The following RHEX variants were observed in gnomAD, a reference collection of about 807,000 sequenced individuals.
RHEX encodes regulator of hemoglobinization and erythroid cell expansion, also known as regulator of hemoglobinization and erythroid cell expansion protein.
Under a neutral mutation model 20.1 loss-of-function variants are expected in RHEX, and 18 were observed. The observed-to-expected ratio is 0.90, with a 90% CI of 0.62 to 1.33. The LOEUF (loss-of-function observed/expected upper bound fraction) is 1.33, where lower values mean the gene tolerates loss of function less well. Among genes scored for constraint, RHEX ranks in the 40% most tolerant of loss-of-function variants. The probability of loss-of-function intolerance (pLI) is 0.00; values close to 1 mark genes in which losing one functional copy is unlikely to be tolerated. For missense variants in RHEX, 192 were observed against 214.3 expected (o/e 0.90, Z 0.65); for synonymous variants, 87 against 77.1 (o/e 1.13, Z -0.67).
At chr1:206,062,507 A>G (rs1662326658) in intron 1 of RHEX, among the ~76,000 whole-genome samples, 1 of 152,244 alleles carries the variant, frequency 6.6e-6, no homozygotes. Flanking sequence ...TTACCCTGTC[A>G]GGAGTTAACA....
At chr1:206,101,008 C>T (rs563861351) in intron 4 of RHEX, 128 bp from the exon 5 acceptor site, 9 of 650,218 alleles carry the variant, frequency 1.4e-5, no homozygotes, top group East Asian at 5.5e-5. Flanking sequence ...CCCTACCCCC[C>T]CTTTTTGTTG....
chr1:206,101,819 C>T lies in RHEX; in HGVS notation c.386C>T (p.Pro129Leu), dbSNP rs782598871. 1.5e-5 allele frequency: 25 copies of T among 1,613,786 alleles called. No individual in the cohort carries two copies. Among genetic ancestry groups the T allele is most frequent in the Non-Finnish European group, 1.9e-5 (22 of 1,179,916 alleles). The change falls in exon 6 of 6, where the codon CCG (proline) becomes CTG (leucine). Residue 129 changes from proline (P) to leucine (L), a missense_variant. Physicochemically the swap from Pro to Leu is moderately conservative, Grantham distance 98. Coordinates refer to ENST00000331555, the MANE Select transcript of RHEX (RefSeq NM_001007544.4). ...CCTGGAGAACTAAAAAATGACTCCCCGCTGGACTATGAGAACATAAAGGAA... is the reference window on the plus strand; with the variant it reads ...CCTGGAGAACTAAAAAATGACTCCCTGCTGGACTATGAGAACATAAAGGAA... ...SDPGELKNDSPLDYENIKEIT... is the reference protein window; with the variant it reads ...SDPGELKNDSLLDYENIKEIT...
intron 1 of RHEX, among the ~76,000 whole-genome samples, chr1:206,089,580 T>C (rs1201140893): frequency 1.3e-5 from 2 of 152,204 alleles, no homozygotes; most frequent in Non-Finnish European, 2.9e-5. Flanking sequence ...CTCTTTTGCA[T>C]AATAGCTTTG....
chr1:206,102,130 T>C lies in RHEX; in HGVS notation c.*178T>C. ...ACAGAGGTCCTCAAGACCCATGGACTCCTGGTCTGTACCCAAAAAAGCTGT... is the reference window on the plus strand; with the variant it reads ...ACAGAGGTCCTCAAGACCCATGGACCCCTGGTCTGTACCCAAAAAAGCTGT... On this transcript the variant is annotated 3_prime_UTR_variant, in exon 6 of 6. Transcript: ENST00000331555. 1 of 638,212 alleles carries C rather than the reference T, an allele frequency of 1.6e-6. No individual in the cohort carries two copies. Among genetic ancestry groups the C allele is most frequent in the Non-Finnish European group, 2.7e-6 (1 of 363,718 alleles). 39.5% of individuals were successfully genotyped at this position (638,212 alleles called of 1,614,324 possible). A position where few individuals can be genotyped will look rare whatever the true frequency, so the allele number is the denominator to read the frequency against.
At position 206,070,578 on chromosome 1, in the gene RHEX, C is replaced by T. The variant is rs1553284538; in HGVS notation, c.-97+17313C>T. On this transcript the variant is annotated intron_variant, in intron 1 of 5. Transcript: ENST00000331555. ...TGTGTCTGGAAATGAGGCTCACTTGCTCTCTTAATGTTTCTACTGTACTGG... is the reference window on the plus strand; with the variant it reads ...TGTGTCTGGAAATGAGGCTCACTTGTTCTCTTAATGTTTCTACTGTACTGG... Among the ~76,000 whole-genome samples, 5 of 152,314 alleles carry T rather than the reference C, an allele frequency of 3.3e-5. No homozygotes were observed. In the South Asian group the frequency reaches 8.3e-4, roughly 25 times the overall value.
At chr1:206,069,454 G>A (rs148566003) in intron 1 of RHEX, among the ~76,000 whole-genome samples, 75 of 152,306 alleles carry the variant, frequency 4.9e-4, no homozygotes, top group African/African-American at 1.7e-3. Context: ...CCGAGCCAGG[G>A]CTCAAGGCAA....
chr1:206,071,859 C>CAAAAAAA (rs1245558004), intron 1 of RHEX, among the ~76,000 whole-genome samples: 1 of 47,304 alleles, frequency 2.1e-5, no homozygotes, highest in African/African-American at 7.4e-5. Flanking sequence ...TCCAACAACT[C>CAAAAAAA]AAAAAAAAAA....
At chr1:206,083,413 A>G (rs1305153212) in intron 1 of RHEX, 13 of 669,214 alleles carry the variant, frequency 1.9e-5, no homozygotes, top group Non-Finnish European at 2.2e-5. Flanking sequence ...TGGGCAGAGC[A>G]TGGCCAAAAG....
chr1:206,068,450 G>T (rs1482625322), intron 1 of RHEX, among the ~76,000 whole-genome samples: 1 of 152,078 alleles, frequency 6.6e-6, no homozygotes, highest in East Asian at 1.9e-4. Flanking sequence ...GGTATTTTTG[G>T]GAAGGAAAAT....
intron 1 of RHEX, among the ~76,000 whole-genome samples, chr1:206,089,372 A>T (rs1662903436): frequency 6.6e-6 from 1 of 152,120 alleles, no homozygotes; most frequent in Admixed American, 6.5e-5. Flanking sequence ...AATTGTGATT[A>T]TATTTTATGT....
chr1:206,081,608 T>G (rs1662736588), intron 1 of RHEX, among the ~76,000 whole-genome samples: 1 of 152,128 alleles, frequency 6.6e-6, no homozygotes, highest in Non-Finnish European at 1.5e-5. Flanking sequence ...AAGTGTAGCT[T>G]AATTAAAGGA....
chr1:206,059,312 A>G (rs1662260330), intron 1 of RHEX, among the ~76,000 whole-genome samples: 1 of 152,156 alleles, frequency 6.6e-6, no homozygotes, highest in Admixed American at 6.5e-5. Flanking sequence ...CTCAGAAGGG[A>G]GACAGGGAAA....
chr1:206,095,833 G>GT (rs1365485808), intron 1 of RHEX, among the ~76,000 whole-genome samples: 4 of 148,668 alleles, frequency 2.7e-5, no homozygotes, highest in Admixed American at 2.6e-4. Flanking sequence ...AAGATTTGGG[G>GT]TAATTTTTTT....
At chr1:206,061,671 T>C (rs143650492) in intron 1 of RHEX, 8 of 152,388 alleles carry the variant, frequency 5.2e-5, no homozygotes, top group African/African-American at 1.9e-4. Flanking sequence ...GGATCTTTCC[T>C]GCCATGCTGA....
chr1:206,084,423 C>T (rs201849089), intron 1 of RHEX, among the ~76,000 whole-genome samples: 67 of 152,220 alleles, frequency 4.4e-4, no homozygotes, highest in African/African-American at 1.6e-3. Flanking sequence ...GTAAGTGCTA[C>T]TAACAGCCTT....
At chr1:206,063,072 T>C (rs1553283552) in intron 1 of RHEX, among the ~76,000 whole-genome samples, 1 of 152,148 alleles carries the variant, frequency 6.6e-6, no homozygotes, top group Non-Finnish European at 1.5e-5. Flanking sequence ...TTGTATCAGG[T>C]GTTCAGGGAA....
intron 1 of RHEX, among the ~76,000 whole-genome samples, chr1:206,066,069 ATTCAAATC>A (rs1553284137): frequency 6.6e-6 from 1 of 152,236 alleles, no homozygotes; most frequent in Non-Finnish European, 1.5e-5. Flanking sequence ...GAAGATTCTC[ATTCAAATC>A]AGTACCTGAG....
chr1:206,099,023 G>A (rs1163119237), intron 3 of RHEX, among the ~76,000 whole-genome samples: 4 of 152,170 alleles, frequency 2.6e-5, no homozygotes, highest in Non-Finnish European at 4.4e-5. Context: ...GGAGTGAGGC[G>A]TGAACTCTAC....
chr1:206,072,132 G>C (rs1662548294), intron 1 of RHEX, among the ~76,000 whole-genome samples: 1 of 152,216 alleles, frequency 6.6e-6, no homozygotes, highest in African/African-American at 2.4e-5. Context: ...AGGAGCTGAT[G>C]ATCTAGGTAG....
Sources: gnomAD v4.1 joint callset for allele counts (sites outside exome capture counted in the v4.1 genomes callset) on GRCh38, gnomAD v4.1.1 for gene constraint, MANE v1.5 for transcripts, NCBI Gene and HGNC (gene_info 2026-07-23, HGNC 2026-07-21) for gene names.